Variants in SESTD1 observed in about 807,000 individuals in gnomAD.
SESTD1 encodes SEC14 and spectrin domain containing 1.
Under a neutral mutation model 101.7 loss-of-function variants are expected in SESTD1, and 43 were observed. That is an observed-to-expected ratio of 0.42 (90% CI 0.33 to 0.55). The LOEUF is 0.55. Among genes scored for constraint, SESTD1 ranks in the 20% least tolerant of loss-of-function variants. SESTD1 has a pLI of 0.07. For missense variants in SESTD1, 647 were observed against 815.1 expected (o/e 0.79, Z 2.51); for synonymous variants, 283 against 286.8 (o/e 0.99, Z 0.13).
chr2:179,139,706 G>A (rs1369451638), intron 9 of SESTD1, among the ~76,000 whole-genome samples: 5 of 152,076 alleles, frequency 3.3e-5, no homozygotes, highest in Non-Finnish European at 4.4e-5. Flanking sequence ...GGTCTGAGGG[G>A]CCCCACAAGA....
chr2:179,250,812 G>A (rs553964627), intron 1 of SESTD1, among the ~76,000 whole-genome samples: 1 of 152,272 alleles, frequency 6.6e-6, no homozygotes, highest in Non-Finnish European at 1.5e-5. Flanking sequence ...CATTCATATA[G>A]TTAGTGGCAA....
chr2:179,228,114 T>C (rs892165362), intron 1 of SESTD1, among the ~76,000 whole-genome samples: 3 of 152,156 alleles, frequency 2.0e-5, no homozygotes, highest in Non-Finnish European at 4.4e-5. Flanking sequence ...GAGACAATAA[T>C]CTATGTATAG....
intron 1 of SESTD1, among the ~76,000 whole-genome samples, chr2:179,194,812 G>C (rs76529014): frequency 0.031 from 4,721 of 152,224 alleles, 240 homozygotes; most frequent in African/African-American, 0.11. Context: ...AGCTGGCTGA[G>C]GCTATGAGAA....
intron 1 of SESTD1, among the ~76,000 whole-genome samples, chr2:179,203,964 C>A (rs1379494727): frequency 7.4e-6 from 1 of 134,524 alleles, no homozygotes; most frequent in Non-Finnish European, 1.6e-5. Context: ...AGCCCTTAAA[C>A]CCTGGATCTG....
At chr2:179,120,340 G>A (rs565338555) in intron 13 of SESTD1, among the ~76,000 whole-genome samples, 1 of 152,120 alleles carries the variant, frequency 6.6e-6, no homozygotes, top group South Asian at 2.1e-4. Context: ...TCCCGCAGGC[G>A]ACACTAAGTA....
intron 1 of SESTD1, chr2:179,264,020 G>A (rs2047520088): frequency 6.6e-6 from 1 of 152,326 alleles, no homozygotes; most frequent in South Asian, 2.1e-4. Flanking sequence ...CCAGTCGCGG[G>A]CGCTGGACGC....
At chr2:179,247,750 A>G (rs2047255343) in intron 1 of SESTD1, among the ~76,000 whole-genome samples, 1 of 152,034 alleles carries the variant, frequency 6.6e-6, no homozygotes, top group African/African-American at 2.4e-5. Context: ...AAAGGATGTT[A>G]TTTCTGACAA....
intron 1 of SESTD1, among the ~76,000 whole-genome samples, chr2:179,236,165 A>T (rs2047062620): frequency 6.6e-6 from 1 of 151,990 alleles, no homozygotes; most frequent in African/African-American, 2.4e-5. Context: ...ATTACTTAAT[A>T]TGAACTCAAA....
At position 179,264,754 on chromosome 2, in the gene SESTD1, C is replaced by G. The variant is rs967047386; in HGVS notation, c.-281G>C. ...CCCGGCGACCTCTCGGCACCCGCGG[C>G]CCGAGCCGCGTCCGCGCGACCCCGC... On this transcript the variant is annotated 5_prime_UTR_variant, in exon 1 of 18. Transcript: ENST00000428443. 16 of 151,656 alleles carry G rather than the reference C, an allele frequency of 1.1e-4. No homozygotes were observed. The highest frequency in any genetic ancestry group is 1.9e-4 in the Non-Finnish European group (13 of 67,642). The allele number at this position is 151,656 out of a possible 1,614,324, so 9.4% of individuals were successfully genotyped here. A position where few individuals can be genotyped will look rare whatever the true frequency, so the allele number is the denominator to read the frequency against.
rs946486608 is a variant in SESTD1, at chr2:179,202,438, G to A, written c.-25-10572C>T. On this transcript the variant is annotated intron_variant, in intron 1 of 17. Coordinates refer to ENST00000428443, the MANE Select transcript of SESTD1 (RefSeq NM_178123.5). ...AAAAAATTTAAGCAATGTTTTCCTC[G>A]AACATAATTTAATTCGGACCCTTGG... Among the ~76,000 whole-genome samples, 8 of 133,590 alleles carry A rather than the reference G, an allele frequency of 6.0e-5. 3 individuals are homozygous for A. Among genetic ancestry groups the A allele is most frequent in the African/African-American group, 1.8e-4 (6 of 33,642 alleles). 87.6% of individuals were successfully genotyped at this position (133,590 alleles called of 152,430 possible).
chr2:179,121,729 GTTA>G (rs1559099266), intron 13 of SESTD1, 38 bp downstream of exon 13: 5 of 1,479,266 alleles, frequency 3.4e-6, no homozygotes, highest in Non-Finnish European at 9.0e-7. Flanking sequence ...AACTAATATT[GTTA>G]TTATTTTAGT....
intron 1 of SESTD1, chr2:179,264,262 G>C (rs927852444): frequency 1.3e-5 from 2 of 152,086 alleles, no homozygotes; most frequent in Non-Finnish European, 2.9e-5. Flanking sequence ...TCCCACCTCC[G>C]GCGCTTTGTC....
intron 4 of SESTD1, among the ~76,000 whole-genome samples, chr2:179,172,504 G>C (rs574863790): frequency 6.6e-6 from 1 of 152,234 alleles, no homozygotes; most frequent in African/African-American, 2.4e-5. Context: ...CTCTGTACTA[G>C]GAATATGTTT....
chr2:179,101,753 G>A lies in SESTD1; in HGVS notation c.*8146C>T, dbSNP rs2044280568. 2 of 152,176 alleles carry A rather than the reference G, an allele frequency of 1.3e-5. No homozygotes were observed. The highest frequency in any genetic ancestry group is 4.8e-5 in the African/African-American group (2 of 41,448). 9.4% of individuals were successfully genotyped at this position (152,176 alleles called of 1,614,324 possible). A position where few individuals can be genotyped will look rare whatever the true frequency, so the allele number is the denominator to read the frequency against. On this transcript the variant is annotated 3_prime_UTR_variant, in exon 18 of 18. Transcript: ENST00000428443. ...AATGGTAAGATCACTTCAATGGTTT[G>A]AAACAGGTTTGTGGATACAATGAAG...
intron 1 of SESTD1, among the ~76,000 whole-genome samples, chr2:179,241,398 T>C (rs1345685456): frequency 6.6e-6 from 1 of 151,982 alleles, no homozygotes; most frequent in Non-Finnish European, 1.5e-5. Flanking sequence ...ACAAAAAAAA[T>C]CTGTGCCAAG....
intron 1 of SESTD1, among the ~76,000 whole-genome samples, chr2:179,244,890 G>A (rs1280626519): frequency 6.6e-6 from 1 of 152,058 alleles, no homozygotes; most frequent in Non-Finnish European, 1.5e-5. Flanking sequence ...TTACAAATGG[G>A]GTAAAGAGCC....
At chr2:179,236,463 C>T (rs1490470473) in intron 1 of SESTD1, among the ~76,000 whole-genome samples, 1 of 151,838 alleles carries the variant, frequency 6.6e-6, no homozygotes, top group African/African-American at 2.4e-5. Flanking sequence ...TGCCACTGCA[C>T]TCTAACCCGG....
chr2:179,219,648 G>A (rs1246298124), intron 1 of SESTD1, among the ~76,000 whole-genome samples: 6 of 152,164 alleles, frequency 3.9e-5, no homozygotes, highest in Admixed American at 3.9e-4. Context: ...AAATTATACA[G>A]AAATAAACAT....
chr2:179,218,725 T>C (rs191380295), intron 1 of SESTD1, among the ~76,000 whole-genome samples: 51 of 152,308 alleles, frequency 3.3e-4, no homozygotes, highest in African/African-American at 1.2e-3. Context: ...TTCCCAGTAT[T>C]GTGGAGATTT....
Sources: gnomAD v4.1 joint callset for allele counts (sites outside exome capture counted in the v4.1 genomes callset) on GRCh38, gnomAD v4.1.1 for gene constraint, MANE v1.5 for transcripts, NCBI Gene and HGNC (gene_info 2026-07-23, HGNC 2026-07-21) for gene names.